EHBP1: variants seen among roughly 807,000 people sequenced by gnomAD.
The protein encoded by EHBP1 is EH domain-binding protein 1.
In EHBP1, 55 loss-of-function variants were observed where a neutral mutation model predicts 144.0. The observed-to-expected ratio is 0.38, with a 90% CI of 0.31 to 0.48. The LOEUF is 0.48. EHBP1 is among the 20% of genes least tolerant of loss of function. EHBP1 has a pLI of 0.98. For missense variants in EHBP1, 1,200 were observed against 1,364.2 expected, an observed-to-expected ratio of 0.88 and a Z score of 1.90; for synonymous variants, 469 against 472.7, an observed-to-expected ratio of 0.99 and a Z score of 0.10.
intron 19 of EHBP1, among the ~76,000 whole-genome samples, chr2:63,035,196 A>G (rs1448445653): frequency 6.6e-6 from 1 of 151,998 alleles, no homozygotes; most frequent in Non-Finnish European, 1.5e-5. Flanking sequence ...AGAAATTTTA[A>G]TTTTTTTAGT....
chr2:62,955,612 G>A lies in EHBP1; in HGVS notation c.2412G>A (p.Lys804=), dbSNP rs1287265224. The part of the protein sequence containing the change: ...RRDAALKAGN[K]HNTNTATPFC... ...ATGCAGCCTTAAAGGCGGGGAATAA[G>A]CACAATACCAACACAGCCACCCCAT... The change falls in exon 14 of 23, where the codon AAG becomes AAA. Residue 804 remains lysine, a synonymous_variant. Transcript: ENST00000431489. 3 of 1,612,182 alleles carry A rather than the reference G, an allele frequency of 1.9e-6. No individual in the cohort carries two copies. The highest frequency in any genetic ancestry group is 1.3e-5 in the African/African-American group (1 of 74,892).
rs553325289 is a variant in EHBP1 at position 62,868,612 on chromosome 2, A to G, written c.998+3641A>G. 2.6e-5 allele frequency among the ~76,000 whole-genome samples: 4 copies of G among 152,040 alleles called. No homozygotes were observed. The South Asian group carries it at 8.3e-4, about 32-fold the overall frequency. On this transcript the variant is annotated intron_variant, in intron 9 of 22. Coordinates refer to ENST00000431489, the MANE Select transcript of EHBP1 (RefSeq NM_001142616.3). ...ATTTGCAATACCTGCATCTGGCAAAAGACGTATCCAGAATATGTAAAGAAC... is the reference window on the plus strand; with the variant it reads ...ATTTGCAATACCTGCATCTGGCAAAGGACGTATCCAGAATATGTAAAGAAC...
At chr2:62,849,578 T>A (rs2048536402) in intron 7 of EHBP1, among the ~76,000 whole-genome samples, 1 of 152,182 alleles carries the variant, frequency 6.6e-6, no homozygotes, top group Non-Finnish European at 1.5e-5. Context: ...GATACATGCA[T>A]ACATGCATAG....
chr2:62,791,455 A>G (rs1402786031), intron 5 of EHBP1, among the ~76,000 whole-genome samples: 2 of 152,022 alleles, frequency 1.3e-5, no homozygotes, highest in Non-Finnish European at 2.9e-5. Context: ...TATACTAGCT[A>G]CATTTTAAAA....
At chr2:63,019,269 C>CTAA (rs2060602092) in intron 19 of EHBP1, among the ~76,000 whole-genome samples, 1 of 152,156 alleles carries the variant, frequency 6.6e-6, no homozygotes, top group Non-Finnish European at 1.5e-5. Flanking sequence ...TGAAGATGTG[C>CTAA]TAAACTCATA....
chr2:62,977,410 T>G (rs72811586), intron 14 of EHBP1, among the ~76,000 whole-genome samples: 7,027 of 152,244 alleles, frequency 0.046, 217 homozygotes, highest in Middle Eastern at 0.095. Flanking sequence ...CTTGTCTCTC[T>G]TGCACTGACC....
intron 5 of EHBP1, among the ~76,000 whole-genome samples, chr2:62,793,535 A>G (rs2043314213): frequency 6.6e-6 from 1 of 152,134 alleles, no homozygotes; most frequent in Non-Finnish European, 1.5e-5. Context: ...ATATATGTCA[A>G]CAAGTAGATC....
intron 19 of EHBP1, among the ~76,000 whole-genome samples, chr2:63,035,014 C>T (rs1340601584): frequency 1.3e-5 from 2 of 151,986 alleles, no homozygotes; most frequent in Non-Finnish European, 2.9e-5. Context: ...GAGAAAAGCT[C>T]ACTGTGATCA....
At chr2:62,862,951 A>G (rs1420026831) in intron 8 of EHBP1, among the ~76,000 whole-genome samples, 1 of 152,074 alleles carries the variant, frequency 6.6e-6, no homozygotes, top group Non-Finnish European at 1.5e-5. Flanking sequence ...TACTACTACT[A>G]TAGTGGTTTT....
At chr2:62,707,740 T>C (rs1276929351) in intron 2 of EHBP1, among the ~76,000 whole-genome samples, 2 of 152,370 alleles carry the variant, frequency 1.3e-5, no homozygotes, top group African/African-American at 4.8e-5. Flanking sequence ...ATTTTATTTT[T>C]GTTTTTTCAT....
At chr2:63,005,017 C>T (rs907807768) in intron 19 of EHBP1, among the ~76,000 whole-genome samples, 20 of 152,070 alleles carry the variant, frequency 1.3e-4, no homozygotes, top group African/African-American at 4.3e-4. Context: ...ACTTTACCTA[C>T]ACTAATAATG....
chr2:62,833,315 A>T (rs1391472886), intron 7 of EHBP1, among the ~76,000 whole-genome samples: 1 of 152,230 alleles, frequency 6.6e-6, no homozygotes, highest in Non-Finnish European at 1.5e-5. Context: ...GCTAATATAG[A>T]AGCCACAGCA....
chr2:62,725,252 T>A (rs944741675), intron 2 of EHBP1, among the ~76,000 whole-genome samples: 15 of 152,138 alleles, frequency 9.9e-5, no homozygotes, highest in South Asian at 2.1e-4. Flanking sequence ...CATTTGCTTG[T>A]GCCTTATTTG....
At chr2:62,970,000 C>G (rs777995347) in intron 14 of EHBP1, among the ~76,000 whole-genome samples, 2 of 151,856 alleles carry the variant, frequency 1.3e-5, no homozygotes, top group Non-Finnish European at 2.9e-5. Context: ...CTTCTAAAAT[C>G]TTGTAATTTT....
intron 10 of EHBP1, among the ~76,000 whole-genome samples, chr2:62,923,441 T>G (rs912549988): frequency 6.6e-6 from 1 of 152,136 alleles, no homozygotes; most frequent in African/African-American, 2.4e-5. Flanking sequence ...GAAATAACAC[T>G]GAGGTGCCCC....
At chr2:62,820,225 G>GAAAAAA (rs372533264) in intron 5 of EHBP1, among the ~76,000 whole-genome samples, 1 of 100,666 alleles carries the variant, frequency 9.9e-6, no homozygotes. Context: ...AAAAAAAAAA[G>GAAAAAA]AAAAAAAAAA....
intron 1 of EHBP1, among the ~76,000 whole-genome samples, chr2:62,682,616 A>G (rs2033569741): frequency 6.6e-6 from 1 of 152,220 alleles, no homozygotes; most frequent in South Asian, 2.1e-4. Flanking sequence ...CTAGAAATAA[A>G]CCAGGATCAT....
intron 1 of EHBP1, among the ~76,000 whole-genome samples, chr2:62,676,406 C>A (rs2033296585): frequency 6.6e-6 from 1 of 152,214 alleles, no homozygotes; most frequent in South Asian, 2.1e-4. Flanking sequence ...CTTTATTTCA[C>A]AAACACATTT....
intron 10 of EHBP1, among the ~76,000 whole-genome samples, chr2:62,926,859 T>C (rs1338967149): frequency 6.6e-6 from 1 of 151,430 alleles, no homozygotes; most frequent in East Asian, 1.9e-4. Context: ...CACAGAGAAA[T>C]AAATTATTAT....
Sources: allele counts gnomAD v4.1 joint callset (sites outside exome capture counted in the v4.1 genomes callset), GRCh38; gene constraint gnomAD v4.1.1; transcripts MANE v1.5; gene names NCBI Gene and HGNC (gene_info 2026-07-23, HGNC 2026-07-21).